CGGBP1: variants seen among roughly 807,000 people sequenced by gnomAD.
The protein encoded by CGGBP1 is CGG triplet repeat-binding protein 1.
In CGGBP1, 4 loss-of-function variants were observed where a neutral mutation model predicts 11.4. The ratio of observed to expected loss-of-function variants is 0.35; its 90% CI spans 0.17 to 0.80. The LOEUF is 0.80. CGGBP1 is among the 30% of genes least tolerant of loss of function. The pLI is 0.52. For synonymous variants in CGGBP1, 76 were observed against 74.1 expected, an observed-to-expected ratio of 1.03 and a Z score of -0.13; for missense variants, 135 against 202.1, an observed-to-expected ratio of 0.67 and a Z score of 2.01.
At position 88,085,404 on chromosome 3, in the gene CGGBP1, A is replaced by G. The variant is rs73844861; in HGVS notation, c.-228-27181T>C. ...GATATTGAAATTTGAATTTCATGTA[A>G]TTTTCACATATCACAAAGTGATTTT... is the stretch of plus-strand genomic sequence containing the variant. On this transcript the variant is annotated intron_variant, in intron 2 of 3. Coordinates refer to the CGGBP1 transcript ENST00000462901. Among the ~76,000 whole-genome samples the G allele has an allele frequency of 3.0e-3, 463 of 152,288 alleles. 3 individuals carry two copies. The highest frequency in any genetic ancestry group is 0.011 in the African/African-American group (445 of 41,564).
At chr3:88,135,023 C>T (rs1308796959) in intron 2 of CGGBP1, 1 of 1,309,734 alleles carries the variant, frequency 7.6e-7, no homozygotes. Context: ...TTTGAATAAA[C>T]TGTATTTTTG....
intron 2 of CGGBP1, among the ~76,000 whole-genome samples, chr3:88,119,395 G>C (rs1483595024): frequency 2.4e-4 from 1 of 4,182 alleles, no homozygotes; most frequent in Non-Finnish European, 2.8e-3. Flanking sequence ...TGGGGTGGGG[G>C]GAGGGGGGAG....
chr3:88,136,090 C>T lies in CGGBP1; in HGVS notation c.-229+4880G>A, dbSNP rs374577885. Reference sequence around the variant, plus strand: ...CATTCAAATGCATTCTCAAAGTAAACTCCTTCCAGCAAAAGAGGAAAACTA... The same window carrying T: ...CATTCAAATGCATTCTCAAAGTAAATTCCTTCCAGCAAAAGAGGAAAACTA... On this transcript the variant is annotated intron_variant, in intron 2 of 3. Transcript: ENST00000462901. 4.1e-4 allele frequency among the ~76,000 whole-genome samples: 63 copies of T among 152,154 alleles called. No individual in the cohort carries two copies. The South Asian group carries it at 5.6e-3, about 14-fold the overall frequency.
intron 3 of CGGBP1, chr3:88,056,980 G>A (rs1265472962): frequency 6.6e-6 from 1 of 152,068 alleles, no homozygotes; most frequent in Non-Finnish European, 1.5e-5. Context: ...ATTTTGGTAG[G>A]TGACAAATCA....
At chr3:88,114,517 C>T (rs1337313999) in intron 2 of CGGBP1, among the ~76,000 whole-genome samples, 2 of 152,126 alleles carry the variant, frequency 1.3e-5, no homozygotes, top group Admixed American at 6.6e-5. Context: ...TTTTCTATCT[C>T]CTGCTCTGAT....
chr3:88,117,025 T>G (rs993373213), intron 2 of CGGBP1, among the ~76,000 whole-genome samples: 1 of 152,164 alleles, frequency 6.6e-6, no homozygotes, highest in Non-Finnish European at 1.5e-5. Context: ...ACGTTTTTGC[T>G]GAGGTTGAGT....
intron 1 of CGGBP1, among the ~76,000 whole-genome samples, chr3:88,058,428 C>G (rs937985539): frequency 3.4e-4 from 52 of 152,322 alleles, no homozygotes; most frequent in Admixed American, 2.9e-3. Flanking sequence ...GGCACCTCCT[C>G]CAGCTCCCCA....
chr3:88,110,919 C>G (rs187165109), intron 2 of CGGBP1, among the ~76,000 whole-genome samples: 1 of 151,998 alleles, frequency 6.6e-6, no homozygotes, highest in African/African-American at 2.4e-5. Context: ...TGGTTTTTCT[C>G]TTTTTAATAT....
intron 2 of CGGBP1, among the ~76,000 whole-genome samples, chr3:88,088,454 ACAT>A (rs1559701282): frequency 2.0e-5 from 3 of 152,210 alleles, no homozygotes; most frequent in South Asian, 2.1e-4. Flanking sequence ...AACATTAAAA[ACAT>A]CAGTATCACG....
At chr3:88,070,563 GTTTTTTTTTTTTTTT>G (rs67079285) in intron 2 of CGGBP1, among the ~76,000 whole-genome samples, 4 of 111,328 alleles carry the variant, frequency 3.6e-5, no homozygotes, top group African/African-American at 1.7e-4. Flanking sequence ...AACACTGCCT[GTTTTTTTTTTTTTTT>G]TTTTTTTTTT....
chr3:88,136,854 AT>A (rs1706816050), intron 2 of CGGBP1, among the ~76,000 whole-genome samples: 1 of 152,136 alleles, frequency 6.6e-6, no homozygotes, highest in Non-Finnish European at 1.5e-5. Flanking sequence ...TGATCTTAAC[AT>A]TTTTAAACTT....
rs1372863245 is a variant in CGGBP1 at position 88,052,233 on chromosome 3, C to T, written c.*3240G>A. On this transcript the variant is annotated 3_prime_UTR_variant, in exon 4 of 4. Transcript: ENST00000482016. ...CTATGATAGTGTGGGTGGAGATAAA[C>T]CAGTTTAGGATAGCCACTTCACTAT... 6.6e-6 allele frequency: 1 copy of T among 152,450 alleles called. No homozygotes were observed. Among genetic ancestry groups the T allele is most frequent in the Non-Finnish European group, 1.5e-5 (1 of 68,008 alleles). The allele number at this position is 152,450 out of a possible 1,614,324, so 9.4% of individuals were successfully genotyped here.
chr3:88,141,630 T>C (rs1205160947), intron 1 of CGGBP1: 2 of 1,489,676 alleles, frequency 1.3e-6, no homozygotes, highest in East Asian at 2.4e-5. Context: ...TTAACAGATG[T>C]GTTCTGTTTT....
chr3:88,149,103 A>G (rs1301058845), intron 1 of CGGBP1, among the ~76,000 whole-genome samples: 1 of 152,224 alleles, frequency 6.6e-6, no homozygotes, highest in African/African-American at 2.4e-5. Flanking sequence ...TTCCTGTTTA[A>G]CAGAGCATGA....
At chr3:88,117,451 A>G (rs1375665899) in intron 2 of CGGBP1, among the ~76,000 whole-genome samples, 2 of 152,190 alleles carry the variant, frequency 1.3e-5, no homozygotes, top group Non-Finnish European at 2.9e-5. Context: ...GTCAAGCCCT[A>G]TAGTTTATAA....
At chr3:88,088,851 CAACCT>C (rs1162972202) in intron 2 of CGGBP1, among the ~76,000 whole-genome samples, 2 of 151,898 alleles carry the variant, frequency 1.3e-5, no homozygotes, top group Non-Finnish European at 2.9e-5. Flanking sequence ...CGGCTCACTG[CAACCT>C]ACATCTCCTG....
chr3:88,115,113 G>GATC (rs1705313030), intron 2 of CGGBP1, among the ~76,000 whole-genome samples: 1 of 152,136 alleles, frequency 6.6e-6, no homozygotes, highest in Non-Finnish European at 1.5e-5. Context: ...TGTACATAAA[G>GATC]ATCACCTGGG....
At chr3:88,087,715 G>A (rs1372172045) in intron 2 of CGGBP1, among the ~76,000 whole-genome samples, 3 of 152,162 alleles carry the variant, frequency 2.0e-5, no homozygotes, top group Non-Finnish European at 4.4e-5. Context: ...AAATATCAGA[G>A]TATGTCTCAT....
chr3:88,059,643 T>A, upstream of CGGBP1: 24 of 843,432 alleles, frequency 2.8e-5, no homozygotes, highest in Non-Finnish European at 2.9e-5. Flanking sequence ...TGAAGCTCCC[T>A]CCTCCACTTA....
Sources: allele counts gnomAD v4.1 joint callset (sites outside exome capture counted in the v4.1 genomes callset), GRCh38; gene constraint gnomAD v4.1.1; transcripts MANE v1.5; gene names NCBI Gene and HGNC (gene_info 2026-07-23, HGNC 2026-07-21).